The following PCDH15 variants were observed in gnomAD, a reference collection of about 807,000 sequenced individuals.
PCDH15 encodes the protein protocadherin related 15, also known as protocadherin-15.
A neutral mutation model predicts 178.5 loss-of-function variants in PCDH15; 129 were observed. The ratio of observed to expected loss-of-function variants is 0.72; its 90% CI spans 0.63 to 0.84. PCDH15 has a LOEUF of 0.84. PCDH15 is among the 40% of genes least tolerant of loss of function. The pLI, the probability that PCDH15 is intolerant of heterozygous loss-of-function variation, is 0.00. For synonymous variants in PCDH15, 800 were observed against 732.0 expected, an observed-to-expected ratio of 1.09 and a Z score of -1.50; for missense variants, 2,230 against 2,099.9, an observed-to-expected ratio of 1.06 and a Z score of -1.21.
intron 25 of PCDH15, among the ~76,000 whole-genome samples, chr10:53,934,276 C>T (rs1432068534): frequency 6.6e-6 from 1 of 152,094 alleles, no homozygotes; most frequent in African/African-American, 2.4e-5. Context: ...CACTAGTCAC[C>T]AGACCTTGCA....
At chr10:55,564,676 A>ACT (rs1341179952) in intron 2 of PCDH15, among the ~76,000 whole-genome samples, 29 of 151,698 alleles carry the variant, frequency 1.9e-4, no homozygotes, top group African/African-American at 2.4e-5. Flanking sequence ...AAGACGCTCC[A>ACT]TGTAAACAGT....
chr10:54,588,147 T>C (rs1407542066), intron 2 of PCDH15, among the ~76,000 whole-genome samples: 1 of 152,166 alleles, frequency 6.6e-6, no homozygotes, highest in East Asian at 1.9e-4. Flanking sequence ...TCTGTTTGTT[T>C]AAAGTGAATG....
chr10:55,394,896 T>C (rs984569426), intron 2 of PCDH15, among the ~76,000 whole-genome samples: 1 of 152,068 alleles, frequency 6.6e-6, no homozygotes, highest in South Asian at 2.1e-4. Flanking sequence ...ACACCTGGCT[T>C]TAGGTTCGCA....
At chr10:54,321,834 T>C (rs1423073487) in intron 7 of PCDH15, among the ~76,000 whole-genome samples, 1 of 151,986 alleles carries the variant, frequency 6.6e-6, no homozygotes, top group African/African-American at 2.4e-5. Context: ...AAAATAATCC[T>C]GGCAAAATGA....
intron 2 of PCDH15, among the ~76,000 whole-genome samples, chr10:55,443,164 T>C (rs1367016780): frequency 6.6e-6 from 1 of 152,084 alleles, no homozygotes; most frequent in African/African-American, 2.4e-5. Flanking sequence ...GATTTAAACA[T>C]AAGACCTAAA....
chr10:55,602,665 G>C (rs1291863454), intron 2 of PCDH15, among the ~76,000 whole-genome samples: 1 of 148,442 alleles, frequency 6.7e-6, no homozygotes, highest in Non-Finnish European at 1.5e-5. Flanking sequence ...CAACAGACCT[G>C]CAGCTGAGGG....
At chr10:54,934,465 G>A (rs770181302) in intron 2 of PCDH15, among the ~76,000 whole-genome samples, 48 of 152,010 alleles carry the variant, frequency 3.2e-4, no homozygotes, top group Non-Finnish European at 5.9e-4. Context: ...AAAAATTAGA[G>A]ATAAAAATCA....
chr10:53,987,629 C>T (rs1266228515), intron 21 of PCDH15, among the ~76,000 whole-genome samples: 1 of 152,038 alleles, frequency 6.6e-6, no homozygotes, highest in Non-Finnish European at 1.5e-5. Flanking sequence ...AATGTCATGT[C>T]CCCAGATGCC....
rs531673812 is a variant in PCDH15 at position 53,853,071 on chromosome 10, T to C, written c.3806+4104A>G. ...TCACTACCACTTCCATCTACTAATG[T>C]AGGTTTCAAAAAGAGATCAGAAATA... On this transcript the variant is annotated intron_variant, in intron 28 of 37. Transcript: ENST00000644397. Among the ~76,000 whole-genome samples the C allele has an allele frequency of 3.3e-5, 5 of 152,162 alleles. No individual in the cohort carries two copies. The South Asian group carries it at 1.0e-3, about 32-fold the overall frequency.
chr10:53,926,734 T>A (rs2084587343), intron 25 of PCDH15, among the ~76,000 whole-genome samples: 2 of 152,216 alleles, frequency 1.3e-5, no homozygotes, highest in African/African-American at 4.8e-5. Flanking sequence ...AATAAATTGC[T>A]TCAAATGTTT....
At chr10:55,517,221 T>C (rs1349995042) in intron 2 of PCDH15, among the ~76,000 whole-genome samples, 2 of 152,252 alleles carry the variant, frequency 1.3e-5, no homozygotes, top group South Asian at 2.1e-4. Context: ...ACTAACAGTT[T>C]ACTTGTGAAT....
chr10:54,711,456 T>C (rs1345433807), intron 1 of PCDH15, among the ~76,000 whole-genome samples: 1 of 151,948 alleles, frequency 6.6e-6, no homozygotes, highest in Non-Finnish European at 1.5e-5. Flanking sequence ...ATGAGTTTTT[T>C]CATGCCATAG....
intron 8 of PCDH15, among the ~76,000 whole-genome samples, chr10:54,300,270 G>A (rs1038922495): frequency 6.6e-6 from 1 of 152,240 alleles, no homozygotes; most frequent in Non-Finnish European, 1.5e-5. Context: ...AACCTCTGGA[G>A]TTGGGTGACA....
intron 9 of PCDH15, among the ~76,000 whole-genome samples, chr10:54,236,529 A>T (rs2054642055): frequency 6.6e-6 from 1 of 152,144 alleles, no homozygotes; most frequent in African/African-American, 2.4e-5. Context: ...AGGAAGTTTT[A>T]TATGATAAGT....
chr10:54,655,426 GGGGTGTGTGTGTGT>G (rs2094381518), intron 2 of PCDH15: 1 of 122,008 alleles, frequency 8.2e-6, no homozygotes, highest in South Asian at 2.7e-4. Context: ...TGTGTGTGGT[GGGGTGTGTGTGTGT>G]GTGTGTGTGT....
chr10:54,549,406 C>CT (rs997955504), intron 2 of PCDH15, among the ~76,000 whole-genome samples: 113 of 151,750 alleles, frequency 7.4e-4, no homozygotes, highest in African/African-American at 2.7e-3. Context: ...ATTATGATTT[C>CT]TTTTTTACCC....
At chr10:55,574,787 A>C (rs1301514738) in intron 2 of PCDH15, among the ~76,000 whole-genome samples, 7 of 152,192 alleles carry the variant, frequency 4.6e-5, no homozygotes, top group African/African-American at 1.7e-4. Flanking sequence ...CAAGAACCTG[A>C]AAACTCTATG....
intron 21 of PCDH15, among the ~76,000 whole-genome samples, chr10:53,991,710 T>C (rs933247684): frequency 1.3e-5 from 2 of 152,062 alleles, no homozygotes; most frequent in South Asian, 4.2e-4. Flanking sequence ...GCTCTGTGTC[T>C]AGTTAATCTA....
intron 15 of PCDH15, among the ~76,000 whole-genome samples, chr10:54,100,786 T>G (rs1457700224): frequency 1.3e-5 from 2 of 152,138 alleles, no homozygotes; most frequent in Non-Finnish European, 2.9e-5. Flanking sequence ...GATACCATAT[T>G]AGCAGAGATA....
Sources: allele counts gnomAD v4.1 joint callset (sites outside exome capture counted in the v4.1 genomes callset), GRCh38; gene constraint gnomAD v4.1.1; transcripts MANE v1.5; gene names NCBI Gene and HGNC (gene_info 2026-07-23, HGNC 2026-07-21).